Variants in CTNNA3 observed in about 807,000 individuals in gnomAD.
The protein encoded by CTNNA3 is catenin alpha-3.
A neutral mutation model predicts 95.7 loss-of-function variants in CTNNA3; 76 were observed. The ratio of observed to expected loss-of-function variants is 0.79; its 90% CI spans 0.66 to 0.96. The LOEUF is 0.96. CTNNA3 is among the 40% of genes least tolerant of loss of function. The pLI is 0.00. For missense variants in CTNNA3, 1,191 were observed against 1,089.8 expected (o/e 1.09, Z -1.31); for synonymous variants, 431 against 374.4 (o/e 1.15, Z -1.74).
At chr10:66,773,200 A>G (rs1840164664) in intron 8 of CTNNA3, among the ~76,000 whole-genome samples, 1 of 152,204 alleles carries the variant, frequency 6.6e-6, no homozygotes, top group Admixed American at 6.5e-5. Context: ...AGGTGTTCAA[A>G]GACAGCTTCT....
intron 15 of CTNNA3, among the ~76,000 whole-genome samples, chr10:66,064,671 TC>T (rs1387488536): frequency 6.6e-6 from 1 of 152,176 alleles, no homozygotes; most frequent in Non-Finnish European, 1.5e-5. Flanking sequence ...GTCCCAGGTC[TC>T]CGGACTATGT....
chr10:67,404,739 C>T (rs894879543), intron 5 of CTNNA3, among the ~76,000 whole-genome samples: 19 of 151,980 alleles, frequency 1.3e-4, no homozygotes, highest in Admixed American at 5.2e-4. Flanking sequence ...ACAAGAAGAT[C>T]GTCCCCAAAA....
At chr10:67,208,886 A>G (rs1374450841) in intron 6 of CTNNA3, among the ~76,000 whole-genome samples, 3 of 152,214 alleles carry the variant, frequency 2.0e-5, no homozygotes, top group African/African-American at 7.2e-5. Flanking sequence ...ATAAAAAGGA[A>G]GCCAAGAATA....
intron 7 of CTNNA3, among the ~76,000 whole-genome samples, chr10:66,963,229 C>T (rs1849217515): frequency 1.3e-5 from 2 of 152,160 alleles, no homozygotes. Flanking sequence ...CAAGGAGATG[C>T]TTCATTATGC....
Position 66,383,351 on chromosome 10 carries a change from T to A in CTNNA3, c.1532-3999A>T, listed in dbSNP as rs552612868. 3.3e-5 allele frequency among the ~76,000 whole-genome samples: 5 copies of A among 152,144 alleles called. No individual in the cohort carries two copies. In the East Asian group the frequency reaches 7.7e-4, roughly 24 times the overall value. On this transcript the variant is annotated intron_variant, in intron 11 of 17. Transcript: ENST00000433211. ...AAGTGGAAGAAAGGGTATCAGTGATTGAAGATCAAATTAATGAAATAAAGT... is the reference window on the plus strand; with the variant it reads ...AAGTGGAAGAAAGGGTATCAGTGATAGAAGATCAAATTAATGAAATAAAGT...
intron 16 of CTNNA3, among the ~76,000 whole-genome samples, chr10:65,982,649 T>C (rs891252916): frequency 1.3e-5 from 2 of 150,904 alleles, no homozygotes; most frequent in African/African-American, 2.4e-5. Context: ...TATATACATA[T>C]ATATATATAA....
intron 17 of CTNNA3, among the ~76,000 whole-genome samples, chr10:65,924,882 G>A (rs1346243909): frequency 6.6e-6 from 1 of 152,178 alleles, no homozygotes; most frequent in African/African-American, 2.4e-5. Flanking sequence ...GCAGGCAAGA[G>A]AGTGTGTGCA....
At chr10:67,056,873 C>G (rs1180522756) in intron 7 of CTNNA3, among the ~76,000 whole-genome samples, 1 of 152,158 alleles carries the variant, frequency 6.6e-6, no homozygotes, top group Non-Finnish European at 1.5e-5. Flanking sequence ...GAGGTTACAT[C>G]AATATCAAGT....
chr10:66,547,966 A>G (rs1440631146), intron 10 of CTNNA3, among the ~76,000 whole-genome samples: 1 of 149,816 alleles, frequency 6.7e-6, no homozygotes, highest in African/African-American at 2.5e-5. Flanking sequence ...CTCAGGCTGG[A>G]GTGCAATGGT....
chr10:66,458,640 T>G (rs190608128), intron 11 of CTNNA3, among the ~76,000 whole-genome samples: 184 of 152,310 alleles, frequency 1.2e-3, no homozygotes, highest in African/African-American at 4.4e-3. Context: ...TCTACGGATT[T>G]AACTATTCTA....
chr10:67,556,045 A>T (rs191700448), intron 3 of CTNNA3, among the ~76,000 whole-genome samples: 1 of 152,200 alleles, frequency 6.6e-6, no homozygotes, highest in Admixed American at 6.5e-5. Context: ...TGTTTATATG[A>T]TGGATTACAT....
intron 14 of CTNNA3, among the ~76,000 whole-genome samples, chr10:66,072,991 T>C (rs545140783): frequency 6.6e-6 from 1 of 152,246 alleles, no homozygotes; most frequent in South Asian, 2.1e-4. Context: ...ACAGGGAATC[T>C]GGAGGAAATT....
In CTNNA3 at chr10:67,237,147, T is replaced by C. The variant is rs1288305847; in HGVS notation, c.580-17277A>G. Among the ~76,000 whole-genome samples the C allele has an allele frequency of 5.4e-5, 4 of 74,314 alleles. No homozygotes were observed. In the East Asian group the frequency reaches 1.0e-3, roughly 19 times the overall value. 48.8% of individuals were successfully genotyped at this position (74,314 alleles called of 152,430 possible). A position where few individuals can be genotyped will look rare whatever the true frequency, so the allele number is the denominator to read the frequency against. ...GTATGTATATATATATATATATATA[T>C]ATATATATATATATATATATATATA... On this transcript the variant is annotated intron_variant, in intron 5 of 17. Coordinates refer to ENST00000433211, the MANE Select transcript of CTNNA3 (RefSeq NM_013266.4).
At chr10:67,234,303 AG>A (rs1316529298) in intron 5 of CTNNA3, among the ~76,000 whole-genome samples, 7 of 152,232 alleles carry the variant, frequency 4.6e-5, no homozygotes, top group African/African-American at 1.4e-4. Flanking sequence ...CACATCAAAA[AG>A]CTTATCCACC....
intron 10 of CTNNA3, among the ~76,000 whole-genome samples, chr10:66,621,292 A>G (rs1484233428): frequency 6.6e-6 from 1 of 152,112 alleles, no homozygotes; most frequent in Non-Finnish European, 1.5e-5. Flanking sequence ...CTCTCTTTTT[A>G]AGAATCGCCT....
At chr10:66,985,448 C>T (rs1458636976) in intron 7 of CTNNA3, among the ~76,000 whole-genome samples, 6 of 152,118 alleles carry the variant, frequency 3.9e-5, no homozygotes, top group African/African-American at 1.4e-4. Flanking sequence ...CACTGCCAAT[C>T]AGTGGGGAGC....
intron 13 of CTNNA3, among the ~76,000 whole-genome samples, chr10:66,220,462 T>G (rs1380337177): frequency 6.6e-6 from 1 of 151,618 alleles, no homozygotes; most frequent in African/African-American, 2.4e-5. Context: ...CGTGGCAGAG[T>G]TTTGGAGGGT....
chr10:66,783,353 A>G (rs1377975512), intron 7 of CTNNA3, among the ~76,000 whole-genome samples: 1 of 152,170 alleles, frequency 6.6e-6, no homozygotes, highest in Non-Finnish European at 1.5e-5. Context: ...ATCTAGGCCA[A>G]AGTTCATAAA....
At chr10:67,600,094 G>GA (rs1317003542) in intron 3 of CTNNA3, among the ~76,000 whole-genome samples, 1 of 151,450 alleles carries the variant, frequency 6.6e-6, no homozygotes, top group Non-Finnish European at 1.5e-5. Context: ...TAATTCAAAA[G>GA]AAAAAAACAG....
Sources: allele counts gnomAD v4.1 joint callset (sites outside exome capture counted in the v4.1 genomes callset), GRCh38; gene constraint gnomAD v4.1.1; transcripts MANE v1.5; gene names NCBI Gene and HGNC (gene_info 2026-07-23, HGNC 2026-07-21).